Variants in POU6F2 observed in about 807,000 individuals in gnomAD.
POU6F2 encodes the protein POU domain, class 6, transcription factor 2.
Under a neutral mutation model 71.3 loss-of-function variants are expected in POU6F2, and 31 were observed. That is an observed-to-expected ratio of 0.43 (90% confidence interval 0.33 to 0.59). The LOEUF (loss-of-function observed/expected upper bound fraction) is 0.59. POU6F2 is among the 20% of genes least tolerant of loss of function. The pLI is 0.04. For missense variants in POU6F2, 783 were observed against 856.8 expected (o/e 0.91, Z 1.07); for synonymous variants, 347 against 355.7 (o/e 0.98, Z 0.27).
chr7:39,127,836 A>ATTTTT (rs70977460), intron 2 of POU6F2, among the ~76,000 whole-genome samples: 36 of 104,168 alleles, frequency 3.5e-4, no homozygotes, highest in East Asian at 6.0e-4. Flanking sequence ...AGCCAGTGGA[A>ATTTTT]TTTTTTTTTT....
Position 39,304,339 on chromosome 7 carries a change from G to A in POU6F2, c.599-35303G>A, listed in dbSNP as rs944265896. Among the ~76,000 whole-genome samples the A allele has an allele frequency of 3.3e-5, 5 of 152,130 alleles. No individual in the cohort carries two copies. In the East Asian group the frequency reaches 7.7e-4, roughly 23 times the overall value. On this transcript the variant is annotated intron_variant, in intron 4 of 9. Transcript: ENST00000518318. Reference sequence around the variant, plus strand: ...GTCTCTGGAGAGCTTTTGAGAATTCGAATCGACATATCTTGAGCCAACATT... The same window carrying A: ...GTCTCTGGAGAGCTTTTGAGAATTCAAATCGACATATCTTGAGCCAACATT...
At chr7:39,096,712 T>C (rs914417582) in intron 2 of POU6F2, among the ~76,000 whole-genome samples, 1 of 152,196 alleles carries the variant, frequency 6.6e-6, no homozygotes, top group Middle Eastern at 3.4e-3. Flanking sequence ...TGAGATGTTT[T>C]GTCAGTTTAT....
chr7:39,154,904 T>C (rs971244576), intron 2 of POU6F2, among the ~76,000 whole-genome samples: 6 of 152,106 alleles, frequency 3.9e-5, no homozygotes, highest in African/African-American at 1.4e-4. Flanking sequence ...AATAGTAAAA[T>C]AGTTCAACAT....
chr7:39,085,059 T>TTTTTG (rs962758339), intron 1 of POU6F2: 1 of 152,126 alleles, frequency 6.6e-6, no homozygotes, highest in African/African-American at 2.4e-5. Flanking sequence ...CTGAAGGCGA[T>TTTTTG]TTTTGTTTTC....
intron 2 of POU6F2, among the ~76,000 whole-genome samples, chr7:39,096,990 A>C (rs2128722871): frequency 6.6e-6 from 1 of 152,328 alleles, no homozygotes; most frequent in Admixed American, 6.5e-5. Context: ...ATACTTTAAA[A>C]ATTGATTTCA....
At chr7:39,239,678 A>T (rs1328664696) in intron 4 of POU6F2, among the ~76,000 whole-genome samples, 8 of 152,160 alleles carry the variant, frequency 5.3e-5, no homozygotes, top group Non-Finnish European at 1.5e-5. Context: ...GAGCACTTAG[A>T]ACAATGCCTG....
chr7:39,269,997 G>T (rs1489056437), intron 4 of POU6F2, among the ~76,000 whole-genome samples: 1 of 152,228 alleles, frequency 6.6e-6, no homozygotes, highest in Non-Finnish European at 1.5e-5. Flanking sequence ...TTTATCAGTA[G>T]TATAGTTAAA....
chr7:39,016,057 T>A (rs373521086), intron 1 of POU6F2, among the ~76,000 whole-genome samples: 7 of 37,922 alleles, frequency 1.8e-4, no homozygotes, highest in Non-Finnish European at 2.7e-4. Context: ...TTATATATAT[T>A]ATATATAATA....
chr7:39,015,564 ACAT>A, intron 1 of POU6F2, among the ~76,000 whole-genome samples: 2 of 65,070 alleles, frequency 3.1e-5, no homozygotes, highest in African/African-American at 5.5e-5. Flanking sequence ...ATATAGATCT[ACAT>A]TATAGATATA....
At chr7:39,330,631 A>C (rs1337149478) in intron 4 of POU6F2, among the ~76,000 whole-genome samples, 1 of 152,224 alleles carries the variant, frequency 6.6e-6, no homozygotes. Flanking sequence ...GAAAACACCC[A>C]AGTGCATCAT....
At chr7:39,427,287 AAAGT>A (rs1276441604) in intron 6 of POU6F2, among the ~76,000 whole-genome samples, 1 of 152,216 alleles carries the variant, frequency 6.6e-6, no homozygotes, top group Non-Finnish European at 1.5e-5. Context: ...CCTAAGAGGT[AAAGT>A]AATTCACCAA....
At chr7:39,267,716 C>A (rs1037258929) in intron 4 of POU6F2, among the ~76,000 whole-genome samples, 22 of 152,016 alleles carry the variant, frequency 1.4e-4, no homozygotes, top group Admixed American at 1.1e-3. Flanking sequence ...GGGATCCTCC[C>A]ACTTCAGCCT....
chr7:39,435,609 C>T (rs997064309), intron 7 of POU6F2, among the ~76,000 whole-genome samples: 1 of 152,170 alleles, frequency 6.6e-6, no homozygotes, highest in Non-Finnish European at 1.5e-5. Flanking sequence ...GTTTCTTTTG[C>T]TGTGCAGAAG....
intron 2 of POU6F2, among the ~76,000 whole-genome samples, chr7:39,190,941 ACTT>A (rs1257208665): frequency 1.3e-5 from 2 of 152,088 alleles, no homozygotes; most frequent in Non-Finnish European, 2.9e-5. Context: ...AGCTGAGTCA[ACTT>A]CTTCTAATAA....
intron 7 of POU6F2, among the ~76,000 whole-genome samples, chr7:39,440,552 C>A (rs557995125): frequency 4.8e-4 from 73 of 152,308 alleles, no homozygotes; most frequent in Admixed American, 2.6e-4. Context: ...TTATGTTCCT[C>A]TCTAAACTGG....
chr7:39,072,247 G>A (rs910966344), intron 1 of POU6F2, among the ~76,000 whole-genome samples: 3 of 152,190 alleles, frequency 2.0e-5, no homozygotes, highest in African/African-American at 7.2e-5. Flanking sequence ...ATTGTGTAAT[G>A]AGGCTAAATT....
chr7:39,011,980 G>A (rs1016795382), intron 1 of POU6F2, among the ~76,000 whole-genome samples: 1 of 152,000 alleles, frequency 6.6e-6, no homozygotes, highest in African/African-American at 2.4e-5. Flanking sequence ...TTCAACTTTG[G>A]TGAAACTGAC....
chr7:39,337,454 C>G (rs931768611), intron 4 of POU6F2, among the ~76,000 whole-genome samples: 1 of 152,132 alleles, frequency 6.6e-6, no homozygotes, highest in Non-Finnish European at 1.5e-5. Flanking sequence ...AGTCTTTAAC[C>G]TTCCCTGCTT....
intron 1 of POU6F2, among the ~76,000 whole-genome samples, chr7:39,022,056 A>T (rs1327384361): frequency 2.0e-5 from 3 of 152,096 alleles, no homozygotes; most frequent in Non-Finnish European, 4.4e-5. Flanking sequence ...TCTTAGGAAG[A>T]CTTTAGGATA....
Sources: allele counts gnomAD v4.1 joint callset (sites outside exome capture counted in the v4.1 genomes callset), GRCh38; gene constraint gnomAD v4.1.1; transcripts MANE v1.5; gene names NCBI Gene and HGNC (gene_info 2026-07-23, HGNC 2026-07-21).